Variants in NELL1 observed in about 807,000 individuals in gnomAD.
NELL1 encodes the protein protein kinase C-binding protein NELL1.
A neutral mutation model predicts 107.4 loss-of-function variants in NELL1; 76 were observed. The observed-to-expected ratio is 0.71, with a 90% CI of 0.59 to 0.86. NELL1 has a LOEUF of 0.86. Ranked by LOEUF, NELL1 falls within the 40% of genes least tolerant of loss-of-function variation. The pLI, the probability that NELL1 is intolerant of heterozygous loss-of-function variation, is 0.00. For synonymous variants in NELL1, 353 were observed against 341.2 expected (o/e 1.03, Z -0.38); for missense variants, 1,024 against 1,005.5 (o/e 1.02, Z -0.25).
At chr11:21,386,867 G>T (rs1851759168) in intron 15 of NELL1, among the ~76,000 whole-genome samples, 1 of 151,866 alleles carries the variant, frequency 6.6e-6, no homozygotes, top group African/African-American at 2.4e-5. Context: ...ATTAGAGTCA[G>T]AATGGTGAAG....
rs1853660475 is a variant in NELL1, at chr11:21,454,111, A to G, written c.1646-80263A>G. Among the ~76,000 whole-genome samples, 5 of 125,720 alleles carry G rather than the reference A, an allele frequency of 4.0e-5. No individual in the cohort carries two copies. The South Asian group carries it at 1.5e-3, about 38-fold the overall frequency. 82.5% of individuals were successfully genotyped at this position (125,720 alleles called of 152,430 possible). On this transcript the variant is annotated intron_variant, in intron 15 of 19. Transcript: ENST00000357134. ...ACCCCACCACAGTCCCCAGAGGGTG[A>G]TATTCCCCTTCCTGTGTCCATGTGA...
chr11:20,797,124 G>A (rs1256361390), intron 3 of NELL1, among the ~76,000 whole-genome samples: 1 of 152,168 alleles, frequency 6.6e-6, no homozygotes, highest in African/African-American at 2.4e-5. Context: ...ATGCGTAATG[G>A]TTTAGCCTTT....
At chr11:21,372,864 C>T (rs1380001814) in intron 15 of NELL1, among the ~76,000 whole-genome samples, 2 of 152,016 alleles carry the variant, frequency 1.3e-5, no homozygotes, top group Non-Finnish European at 2.9e-5. Flanking sequence ...CTCATGCCTT[C>T]TTGATTTGTC....
intron 14 of NELL1, among the ~76,000 whole-genome samples, chr11:21,278,768 A>G (rs1848926372): frequency 6.6e-6 from 1 of 152,178 alleles, no homozygotes; most frequent in Non-Finnish European, 1.5e-5. Context: ...TACTTTGTGG[A>G]TATTGATAAA....
intron 2 of NELL1, among the ~76,000 whole-genome samples, chr11:20,704,383 T>G (rs1428994348): frequency 1.3e-5 from 2 of 152,208 alleles, no homozygotes; most frequent in East Asian, 3.8e-4. Context: ...CCTTTTATTT[T>G]GAGCCTATGT....
At chr11:21,449,207 T>G (rs945147876) in intron 15 of NELL1, among the ~76,000 whole-genome samples, 1 of 152,198 alleles carries the variant, frequency 6.6e-6, no homozygotes, top group Non-Finnish European at 1.5e-5. Flanking sequence ...TCCTTATCTA[T>G]GTCAACCTGG....
At chr11:21,511,471 C>T (rs1047798648) in intron 15 of NELL1, among the ~76,000 whole-genome samples, 2 of 152,106 alleles carry the variant, frequency 1.3e-5, no homozygotes, top group African/African-American at 4.8e-5. Flanking sequence ...GATAAGGTCC[C>T]TGGCCTCCTG....
intron 2 of NELL1, among the ~76,000 whole-genome samples, chr11:20,781,597 G>T (rs138207057): frequency 2.6e-5 from 4 of 152,230 alleles, no homozygotes; most frequent in Non-Finnish European, 5.9e-5. Flanking sequence ...TGAAATTCAG[G>T]CATCTGCTAC....
intron 12 of NELL1, among the ~76,000 whole-genome samples, chr11:21,096,182 G>A (rs570298795): frequency 2.6e-5 from 4 of 152,146 alleles, no homozygotes; most frequent in East Asian, 1.9e-4. Context: ...CTCTTCTAGC[G>A]CCAATGTCCG....
At chr11:21,393,067 T>C (rs1851913581) in intron 15 of NELL1, among the ~76,000 whole-genome samples, 1 of 151,612 alleles carries the variant, frequency 6.6e-6, no homozygotes, top group Non-Finnish European at 1.5e-5. Context: ...GATTTGGACG[T>C]GAGCTTTCAA....
chr11:21,367,254 A>G (rs1401208544), intron 14 of NELL1, among the ~76,000 whole-genome samples: 1 of 118,578 alleles, frequency 8.4e-6, no homozygotes, highest in Non-Finnish European at 1.7e-5. Context: ...ATTCAGGTTT[A>G]TCTTACTACA....
intron 13 of NELL1, among the ~76,000 whole-genome samples, chr11:21,147,747 A>T (rs1011149430): frequency 2.6e-4 from 38 of 143,746 alleles, no homozygotes; most frequent in African/African-American, 9.7e-4. Context: ...GAGGCAGGAG[A>T]ATTGCTTGAA....
At chr11:21,220,104 AACACTGAGGTTT>A (rs544113887) in intron 13 of NELL1, among the ~76,000 whole-genome samples, 256 of 152,326 alleles carry the variant, frequency 1.7e-3, no homozygotes, top group African/African-American at 6.1e-3. Flanking sequence ...TTCTGCCTCC[AACACTGAGGTTT>A]ACAATTCGAC....
chr11:21,152,357 G>A (rs1312075429), intron 13 of NELL1, among the ~76,000 whole-genome samples: 1 of 152,120 alleles, frequency 6.6e-6, no homozygotes, highest in Non-Finnish European at 1.5e-5. Context: ...GTTTTTGCTT[G>A]ACATTGATTA....
At chr11:20,864,036 G>A (rs2134078468) in intron 4 of NELL1, among the ~76,000 whole-genome samples, 1 of 152,318 alleles carries the variant, frequency 6.6e-6, no homozygotes, top group East Asian at 1.9e-4. Flanking sequence ...CAGGGAGGCT[G>A]CAGTGAGCCG....
At chr11:21,011,255 T>G (rs1178920391) in intron 12 of NELL1, among the ~76,000 whole-genome samples, 1 of 152,138 alleles carries the variant, frequency 6.6e-6, no homozygotes, top group Non-Finnish European at 1.5e-5. Context: ...AGTTATTTGT[T>G]ATTCATTTTC....
chr11:20,699,860 T>A (rs968579056), intron 2 of NELL1, among the ~76,000 whole-genome samples: 1 of 152,166 alleles, frequency 6.6e-6, no homozygotes, highest in Admixed American at 6.6e-5. Flanking sequence ...CTCCATACTG[T>A]TTTCCATAGT....
intron 13 of NELL1, among the ~76,000 whole-genome samples, chr11:21,181,067 A>G (rs1045226587): frequency 1.3e-5 from 2 of 151,824 alleles, no homozygotes; most frequent in South Asian, 2.1e-4. Flanking sequence ...GGTGAACTGG[A>G]TACTCTTGCT....
intron 14 of NELL1, among the ~76,000 whole-genome samples, chr11:21,345,347 G>A (rs1219803931): frequency 1.3e-5 from 2 of 152,254 alleles, no homozygotes; most frequent in East Asian, 3.9e-4. Flanking sequence ...GTGTTTAAGT[G>A]TACCCTATCC....
Sources: allele counts gnomAD v4.1 joint callset (sites outside exome capture counted in the v4.1 genomes callset), GRCh38; gene constraint gnomAD v4.1.1; transcripts MANE v1.5; gene names NCBI Gene and HGNC (gene_info 2026-07-23, HGNC 2026-07-21).